Variants in PDE4D observed in about 807,000 individuals in gnomAD.
PDE4D encodes the protein 3',5'-cyclic-AMP phosphodiesterase 4D.
Under a neutral mutation model 87.4 loss-of-function variants are expected in PDE4D, and 24 were observed. The observed-to-expected ratio is 0.27, with a 90% CI of 0.20 to 0.39. The LOEUF (loss-of-function observed/expected upper bound fraction) is 0.39. Ranked by LOEUF, PDE4D falls within the 10% of genes least tolerant of loss-of-function variation. The probability of loss-of-function intolerance (pLI) is 1.00; values close to 1 mark genes in which losing one functional copy is unlikely to be tolerated. For synonymous variants in PDE4D, 384 were observed against 383.2 expected (o/e 1.00, Z -0.02); for missense variants, 714 against 1,041.0 (o/e 0.69, Z 4.32).
At chr5:59,251,879 G>C (rs1465033495) in intron 1 of PDE4D, among the ~76,000 whole-genome samples, 1 of 152,070 alleles carries the variant, frequency 6.6e-6, no homozygotes, top group Non-Finnish European at 1.5e-5. Context: ...TTTTAACATG[G>C]ATAGACCTGG....
chr5:59,157,849 G>T (rs932113163), intron 5 of PDE4D, among the ~76,000 whole-genome samples: 2 of 152,192 alleles, frequency 1.3e-5, no homozygotes, highest in Non-Finnish European at 2.9e-5. Flanking sequence ...GAGCCAGACT[G>T]ATGGAACAAA....
chr5:60,474,114 A>ATG (rs1554041517), intron 1 of PDE4D, among the ~76,000 whole-genome samples: 1 of 78,956 alleles, frequency 1.3e-5, no homozygotes, highest in Non-Finnish European at 2.2e-5. Context: ...CCATATATAT[A>ATG]TATATATATA....
chr5:60,349,789 T>C (rs1447445004), intron 1 of PDE4D, among the ~76,000 whole-genome samples: 1 of 152,184 alleles, frequency 6.6e-6, no homozygotes, highest in African/African-American at 2.4e-5. Context: ...GTCTCTTTTC[T>C]ACATTAACAT....
At chr5:60,003,853 T>C (rs186723900) in intron 2 of PDE4D, among the ~76,000 whole-genome samples, 7 of 151,722 alleles carry the variant, frequency 4.6e-5, no homozygotes, top group African/African-American at 1.4e-4. Context: ...TGGAACAGAA[T>C]AGAGATCCCA....
At chr5:60,362,087 T>C (rs1049637126) in intron 1 of PDE4D, among the ~76,000 whole-genome samples, 13 of 152,196 alleles carry the variant, frequency 8.5e-5, no homozygotes, top group Non-Finnish European at 1.8e-4. Context: ...TAATCAGTGC[T>C]GGGAATAGTG....
intron 5 of PDE4D, among the ~76,000 whole-genome samples, chr5:59,042,317 G>A (rs939763787): frequency 2.0e-5 from 3 of 152,092 alleles, no homozygotes; most frequent in African/African-American, 7.2e-5. Context: ...TCAAGTAACT[G>A]ACCTTTTCAT....
At chr5:59,765,974 G>C (rs1031956555) in intron 1 of PDE4D, among the ~76,000 whole-genome samples, 1 of 152,200 alleles carries the variant, frequency 6.6e-6, no homozygotes, top group African/African-American at 2.4e-5. Context: ...TAGGTATTAA[G>C]TGTATGCATA....
chr5:59,444,846 T>C (rs1798126819), intron 1 of PDE4D, among the ~76,000 whole-genome samples: 1 of 151,806 alleles, frequency 6.6e-6, no homozygotes, highest in African/African-American at 2.4e-5. Flanking sequence ...ATACCTAGAG[T>C]TCCCCTCCCT....
chr5:60,110,516 G>C (rs1013606225), intron 2 of PDE4D, among the ~76,000 whole-genome samples: 1 of 152,070 alleles, frequency 6.6e-6, no homozygotes, highest in Non-Finnish European at 1.5e-5. Flanking sequence ...TGATGGCAAA[G>C]ATGCAGAGAA....
At chr5:59,672,178 C>T (rs1353105845) in intron 1 of PDE4D, among the ~76,000 whole-genome samples, 2 of 152,120 alleles carry the variant, frequency 1.3e-5, no homozygotes, top group African/African-American at 4.8e-5. Flanking sequence ...TTGCCAAGAC[C>T]ACACAGAAAG....
At chr5:60,050,254 G>A (rs933354112) in intron 2 of PDE4D, among the ~76,000 whole-genome samples, 3 of 152,010 alleles carry the variant, frequency 2.0e-5, no homozygotes, top group African/African-American at 2.4e-5. Flanking sequence ...ACTGACCTGC[G>A]CCCACTGTCT....
chr5:60,236,525 A>G (rs1309511324), intron 1 of PDE4D, among the ~76,000 whole-genome samples: 1 of 151,934 alleles, frequency 6.6e-6, no homozygotes, highest in African/African-American at 2.4e-5. Flanking sequence ...AGGCAGAACA[A>G]TGGCTCCCTA....
chr5:60,427,573 G>C (rs1156443966), intron 1 of PDE4D, among the ~76,000 whole-genome samples: 4 of 152,166 alleles, frequency 2.6e-5, no homozygotes, highest in Non-Finnish European at 5.9e-5. Flanking sequence ...AAAAGTTGAA[G>C]ATAACTGATA....
At chr5:59,544,409 T>C (rs1344938279) in intron 1 of PDE4D, among the ~76,000 whole-genome samples, 1 of 152,194 alleles carries the variant, frequency 6.6e-6, no homozygotes, top group Non-Finnish European at 1.5e-5. Context: ...TGAGCACTTC[T>C]ATTCTGACAT....
chr5:60,509,867 TC>T (rs908477901), intron 1 of PDE4D, among the ~76,000 whole-genome samples: 3 of 152,196 alleles, frequency 2.0e-5, no homozygotes, highest in African/African-American at 7.2e-5. Flanking sequence ...CCAGTGAGCC[TC>T]CCTGGTCCAA....
At chr5:59,834,426 C>A (rs901949564) in intron 1 of PDE4D, among the ~76,000 whole-genome samples, 1 of 151,936 alleles carries the variant, frequency 6.6e-6, no homozygotes, top group African/African-American at 2.4e-5. Flanking sequence ...ATTAGAATAA[C>A]CACATTAGCA....
At chr5:60,509,395 G>A (rs758498208) in intron 1 of PDE4D, among the ~76,000 whole-genome samples, 7 of 152,160 alleles carry the variant, frequency 4.6e-5, no homozygotes, top group South Asian at 2.1e-4. Context: ...CTTCACGCTC[G>A]TCCACAAATG....
intron 1 of PDE4D, among the ~76,000 whole-genome samples, chr5:60,337,382 T>TACACACAC (rs1184568544): frequency 1.4e-4 from 16 of 116,522 alleles, no homozygotes; most frequent in African/African-American, 5.0e-4. Context: ...TATATATATA[T>TACACACAC]ATATATACAC....
chr5:59,056,209 A>G (rs1431707534), intron 5 of PDE4D, among the ~76,000 whole-genome samples: 2 of 152,142 alleles, frequency 1.3e-5, no homozygotes, highest in East Asian at 3.9e-4. Flanking sequence ...GAACCAGCTC[A>G]TGGCACTAGG....
Sources: allele counts gnomAD v4.1 joint callset (sites outside exome capture counted in the v4.1 genomes callset), GRCh38; gene constraint gnomAD v4.1.1; transcripts MANE v1.5; gene names NCBI Gene and HGNC (gene_info 2026-07-23, HGNC 2026-07-21).